FGF14: variants seen among roughly 807,000 people sequenced by gnomAD.
FGF14 encodes fibroblast growth factor 14.
A neutral mutation model predicts 25.5 loss-of-function variants in FGF14; 5 were observed. That is an observed-to-expected ratio of 0.20 (90% CI 0.10 to 0.41). FGF14 has a LOEUF of 0.41. FGF14 is among the 10% of genes least tolerant of loss of function. FGF14 has a pLI of 1.00. For missense variants in FGF14, 222 were observed against 320.1 expected, an observed-to-expected ratio of 0.69 and a Z score of 2.34; for synonymous variants, 138 against 118.3, an observed-to-expected ratio of 1.17 and a Z score of -1.08.
At chr13:102,004,328 G>T (rs1473740999) in intron 1 of FGF14, among the ~76,000 whole-genome samples, 1 of 152,162 alleles carries the variant, frequency 6.6e-6, no homozygotes, top group African/African-American at 2.4e-5. Context: ...TATGTTCAAT[G>T]CAGGAGTAGA....
chr13:102,216,886 A>AT (rs756537322), intron 1 of FGF14, among the ~76,000 whole-genome samples: 1 of 152,208 alleles, frequency 6.6e-6, no homozygotes, highest in Non-Finnish European at 1.5e-5. Context: ...TAGATTCCAC[A>AT]TATGAATGAG....
chr13:102,033,323 T>C (rs1334759778), intron 1 of FGF14, among the ~76,000 whole-genome samples: 2 of 152,048 alleles, frequency 1.3e-5, no homozygotes, highest in African/African-American at 4.8e-5. Context: ...TAAAATACAG[T>C]AGTTCTACAA....
chr13:102,273,139 T>C (rs1343587875), intron 1 of FGF14, among the ~76,000 whole-genome samples: 2 of 152,182 alleles, frequency 1.3e-5, no homozygotes, highest in Non-Finnish European at 2.9e-5. Flanking sequence ...CATCACTACA[T>C]TGCATTATTT....
At chr13:102,326,877 T>C (rs962173035) in intron 1 of FGF14, among the ~76,000 whole-genome samples, 3 of 152,124 alleles carry the variant, frequency 2.0e-5, no homozygotes, top group Non-Finnish European at 4.4e-5. Flanking sequence ...AACTAAAATA[T>C]ATGAACTAGT....
chr13:102,252,884 T>C (rs2052252360), intron 1 of FGF14, among the ~76,000 whole-genome samples: 1 of 152,186 alleles, frequency 6.6e-6, no homozygotes, highest in African/African-American at 2.4e-5. Context: ...GTGTTCTCAT[T>C]GTTCAACTCC....
At chr13:102,203,125 C>CGATT (rs2049743198) in intron 1 of FGF14, among the ~76,000 whole-genome samples, 1 of 152,060 alleles carries the variant, frequency 6.6e-6, no homozygotes, top group South Asian at 2.1e-4. Flanking sequence ...TACTCCAGTT[C>CGATT]GATGTTTTAT....
chr13:102,209,001 G>T (rs1594417193), intron 1 of FGF14, among the ~76,000 whole-genome samples: 1 of 152,218 alleles, frequency 6.6e-6, no homozygotes, highest in Admixed American at 6.5e-5. Flanking sequence ...CTTGAATGGA[G>T]AATTTACAAT....
At chr13:102,200,257 A>G (rs1779337038) in intron 1 of FGF14, among the ~76,000 whole-genome samples, 1 of 152,204 alleles carries the variant, frequency 6.6e-6, no homozygotes, top group African/African-American at 2.4e-5. Context: ...GTGCATTTAT[A>G]TATATATAAT....
chr13:102,371,041 C>T (rs2057866841), intron 1 of FGF14, among the ~76,000 whole-genome samples: 1 of 152,042 alleles, frequency 6.6e-6, no homozygotes, highest in South Asian at 2.1e-4. Context: ...CTACACTATT[C>T]CTATTGTCCT....
chr13:102,093,230 A>C (rs2044247310), intron 1 of FGF14, among the ~76,000 whole-genome samples: 1 of 152,232 alleles, frequency 6.6e-6, no homozygotes, highest in African/African-American at 2.4e-5. Flanking sequence ...AATACATAAA[A>C]TATATGTCAA....
chr13:101,852,896 T>C (rs750225794), intron 3 of FGF14, among the ~76,000 whole-genome samples: 3 of 152,148 alleles, frequency 2.0e-5, no homozygotes, highest in Non-Finnish European at 4.4e-5. Context: ...TTTAGGTCAC[T>C]ATTTAAATAC....
intron 1 of FGF14, among the ~76,000 whole-genome samples, chr13:102,320,347 G>A (rs774728383): frequency 9.2e-5 from 14 of 151,850 alleles, no homozygotes; most frequent in Admixed American, 4.6e-4. Context: ...GCAACCTTGT[G>A]TTCATCCAGG....
chr13:102,020,568 A>G (rs762376788), intron 1 of FGF14, among the ~76,000 whole-genome samples: 2 of 151,442 alleles, frequency 1.3e-5, no homozygotes, highest in Non-Finnish European at 3.0e-5. Flanking sequence ...AGAGAGAGAG[A>G]GAAGGAAGGA....
intron 1 of FGF14, among the ~76,000 whole-genome samples, chr13:102,278,452 C>T (rs936270096): frequency 6.6e-6 from 1 of 152,130 alleles, no homozygotes; most frequent in Non-Finnish European, 1.5e-5. Flanking sequence ...TTTATAAACT[C>T]ATGCATTTCA....
intron 1 of FGF14, among the ~76,000 whole-genome samples, chr13:102,056,535 C>A (rs1176191383): frequency 1.3e-5 from 2 of 152,128 alleles, no homozygotes; most frequent in Non-Finnish European, 2.9e-5. Context: ...CTCCAAAGTG[C>A]TAAGTGCCCA....
intron 1 of FGF14, among the ~76,000 whole-genome samples, chr13:102,030,857 T>A (rs868633737): frequency 1.3e-5 from 2 of 152,060 alleles, no homozygotes; most frequent in African/African-American, 4.8e-5. Context: ...ATGGAAAATA[T>A]GGTGTAAGCG....
chr13:101,726,845 G>C (rs911526929), intron 3 of FGF14, 35 bp from the exon 4 acceptor site: 2 of 1,483,836 alleles, frequency 1.3e-6, no homozygotes, highest in African/African-American at 2.8e-5. Flanking sequence ...GTTAGAGGAA[G>C]GAACTTGATC....
intron 1 of FGF14, among the ~76,000 whole-genome samples, chr13:101,999,034 T>G (rs2039337784): frequency 6.6e-6 from 1 of 152,172 alleles, no homozygotes; most frequent in South Asian, 2.1e-4. Flanking sequence ...AAACTATGCT[T>G]CTCAGAATCT....
At chr13:101,908,875 A>G (rs1331282192) in intron 1 of FGF14, among the ~76,000 whole-genome samples, 1 of 152,208 alleles carries the variant, frequency 6.6e-6, no homozygotes, top group Non-Finnish European at 1.5e-5. Flanking sequence ...ACAGCATGGT[A>G]CTGGTACCAA....
Sources: allele counts gnomAD v4.1 joint callset (sites outside exome capture counted in the v4.1 genomes callset), GRCh38; gene constraint gnomAD v4.1.1; transcripts MANE v1.5; gene names NCBI Gene and HGNC (gene_info 2026-07-23, HGNC 2026-07-21).